PAK5: variants seen among roughly 807,000 people sequenced by gnomAD.
The protein encoded by PAK5 is p21 (RAC1) activated kinase 5, also known as serine/threonine-protein kinase PAK 5.
In PAK5, 16 loss-of-function variants were observed where a neutral mutation model predicts 65.9. That is an observed-to-expected ratio of 0.24 (90% CI 0.16 to 0.37). The LOEUF (loss-of-function observed/expected upper bound fraction) is 0.37, where lower values mean the gene tolerates loss of function less well. Among genes scored for constraint, PAK5 ranks in the 10% least tolerant of loss-of-function variants. PAK5 has a pLI of 1.00. For synonymous variants in PAK5, 371 were observed against 354.9 expected, an observed-to-expected ratio of 1.05 and a Z score of -0.51; for missense variants, 785 against 903.9, an observed-to-expected ratio of 0.87 and a Z score of 1.69.
intron 1 of PAK5, among the ~76,000 whole-genome samples, chr20:9,747,301 T>G (rs969211092): frequency 6.6e-6 from 1 of 151,828 alleles, no homozygotes; most frequent in Admixed American, 6.6e-5. Context: ...TTCCAGTCAA[T>G]AGAAAAAGAG....
chr20:9,827,696 A>G (rs1005055650), intron 1 of PAK5, among the ~76,000 whole-genome samples: 1 of 152,152 alleles, frequency 6.6e-6, no homozygotes, highest in Non-Finnish European at 1.5e-5. Context: ...ATAACAGAAG[A>G]TCATTTTGGA....
chr20:9,614,246 A>G lies in PAK5; in HGVS notation c.204+29879T>C, dbSNP rs144664230. ...CTCATTAGTAGGCTGGGCACAGCTG[A>G]GAAAGACTCTCTGAGGCTGAGGATA... On this transcript the variant is annotated intron_variant, in intron 3 of 9. Transcript: ENST00000353224. 1.6e-4 allele frequency among the ~76,000 whole-genome samples: 25 copies of G among 152,320 alleles called. No homozygotes were observed. In the East Asian group the frequency reaches 4.8e-3, roughly 29 times the overall value.
intron 9 of PAK5, among the ~76,000 whole-genome samples, chr20:9,542,354 G>GC (rs1461458557): frequency 6.6e-6 from 1 of 152,156 alleles, no homozygotes; most frequent in Admixed American, 6.5e-5. Flanking sequence ...TGGGATACAG[G>GC]CCAATCATAA....
intron 7 of PAK5, among the ~76,000 whole-genome samples, chr20:9,549,309 A>G (rs1477387594): frequency 6.6e-6 from 1 of 152,160 alleles, no homozygotes; most frequent in African/African-American, 2.4e-5. Flanking sequence ...GGAGAGGAGA[A>G]GCCCCACAAG....
chr20:9,669,212 T>C (rs886769965), intron 2 of PAK5, among the ~76,000 whole-genome samples: 4 of 152,174 alleles, frequency 2.6e-5, no homozygotes, highest in Non-Finnish European at 5.9e-5. Context: ...TTGGTTTTTA[T>C]TTTAGATCTA....
intron 2 of PAK5, among the ~76,000 whole-genome samples, chr20:9,674,259 C>A (rs1184501662): frequency 6.6e-6 from 1 of 151,008 alleles, no homozygotes; most frequent in Non-Finnish European, 1.5e-5. Flanking sequence ...TGACTCCTCA[C>A]CCTTTTTTTT....
At chr20:9,807,762 AAATAATAAT>A (rs71184158) in intron 1 of PAK5, among the ~76,000 whole-genome samples, 5 of 142,334 alleles carry the variant, frequency 3.5e-5, no homozygotes, top group Admixed American at 2.8e-4. Flanking sequence ...AGCAAAAAAT[AAATAATAAT>A]AATAATAATA....
In PAK5 at chr20:9,539,389, C is replaced by A. The variant is rs2045221568; in HGVS notation, c.*73G>T. 8.2e-6 allele frequency: 12 copies of A among 1,463,548 alleles called. No individual in the cohort carries two copies. In the East Asian group the frequency reaches 2.7e-4, roughly 33 times the overall value. 90.7% of individuals were successfully genotyped at this position (1,463,548 alleles called of 1,614,324 possible). Reference sequence around the variant, plus strand: ...AGAATGCACAGGCCTTTTGCATGTTCTGTGTTTCCTTTTGTTCTCCTGAAT... The same window carrying A: ...AGAATGCACAGGCCTTTTGCATGTTATGTGTTTCCTTTTGTTCTCCTGAAT... On this transcript the variant is annotated 3_prime_UTR_variant, in exon 10 of 10. Transcript: ENST00000353224.
intron 1 of PAK5, among the ~76,000 whole-genome samples, chr20:9,797,194 A>C (rs972405321): frequency 2.6e-5 from 4 of 151,762 alleles, no homozygotes; most frequent in African/African-American, 9.7e-5. Flanking sequence ...TCTTCTTTTG[A>C]GAAGTGTCTG....
chr20:9,675,352 G>T (rs1349791513), intron 2 of PAK5, among the ~76,000 whole-genome samples: 2 of 152,106 alleles, frequency 1.3e-5, no homozygotes, highest in Admixed American at 6.6e-5. Flanking sequence ...CAGCTTGGGG[G>T]TGACAAAGCT....
At chr20:9,773,694 G>A (rs922451232) in intron 1 of PAK5, among the ~76,000 whole-genome samples, 2 of 152,192 alleles carry the variant, frequency 1.3e-5, no homozygotes, top group African/African-American at 2.4e-5. Context: ...GTAGATGTTC[G>A]CATAATAGAC....
chr20:9,606,499 G>A (rs1366372146), intron 3 of PAK5, among the ~76,000 whole-genome samples: 1 of 152,142 alleles, frequency 6.6e-6, no homozygotes, highest in East Asian at 1.9e-4. Flanking sequence ...CATGTGGACC[G>A]TAGCCCAGGA....
chr20:9,817,440 T>C (rs1037258632), intron 1 of PAK5, among the ~76,000 whole-genome samples: 2 of 152,126 alleles, frequency 1.3e-5, no homozygotes, highest in Admixed American at 6.6e-5. Context: ...GATCTCTTAA[T>C]ATGTGCCAGG....
chr20:9,736,448 C>A (rs1231805835), intron 1 of PAK5, among the ~76,000 whole-genome samples: 2 of 152,062 alleles, frequency 1.3e-5, no homozygotes, highest in Admixed American at 6.5e-5. Flanking sequence ...AAAATAAAAT[C>A]AGATCAAATT....
At chr20:9,622,490 A>C (rs1158501565) in intron 3 of PAK5, among the ~76,000 whole-genome samples, 1 of 152,128 alleles carries the variant, frequency 6.6e-6, no homozygotes, top group African/African-American at 2.4e-5. Flanking sequence ...AAACATGAGG[A>C]GGAGGGGGAA....
At chr20:9,724,369 G>A (rs940398749) in intron 1 of PAK5, among the ~76,000 whole-genome samples, 1 of 152,104 alleles carries the variant, frequency 6.6e-6, no homozygotes. Flanking sequence ...CATTGACTTG[G>A]TTTTCGATAT....
chr20:9,643,352 A>T (rs2047093483), intron 3 of PAK5, among the ~76,000 whole-genome samples: 1 of 152,230 alleles, frequency 6.6e-6, no homozygotes, highest in Non-Finnish European at 1.5e-5. Flanking sequence ...AGAAAACTGC[A>T]ATCCCTGGAT....
At chr20:9,560,910 G>A (rs921231520) in intron 6 of PAK5, among the ~76,000 whole-genome samples, 2 of 152,148 alleles carry the variant, frequency 1.3e-5, no homozygotes, top group Non-Finnish European at 2.9e-5. Flanking sequence ...GGTACAGCAT[G>A]GATTCTCATT....
chr20:9,541,728 C>G (rs1396649628), intron 9 of PAK5, among the ~76,000 whole-genome samples: 2 of 152,170 alleles, frequency 1.3e-5, no homozygotes, highest in African/African-American at 4.8e-5. Context: ...TGTGCCCACT[C>G]AAATCTCACC....
Sources: gnomAD v4.1 joint callset for allele counts (sites outside exome capture counted in the v4.1 genomes callset) on GRCh38, gnomAD v4.1.1 for gene constraint, MANE v1.5 for transcripts, NCBI Gene and HGNC (gene_info 2026-07-23, HGNC 2026-07-21) for gene names.